Variants in VMA12 observed in about 807,000 individuals in gnomAD.
VMA12 encodes vacuolar ATPase assembly factor VMA12.
the VMA12 span, chr17:28,358,974 T>G: frequency 5.0e-6 from 8 of 1,612,844 alleles, no homozygotes; most frequent in East Asian, 1.6e-4. Context: ...TCCCAGAGGT[T>G]GTGAAGCCTC....
chr17:28,357,871 G>A, the VMA12 span: 1 of 1,613,958 alleles, frequency 6.2e-7, no homozygotes, highest in Admixed American at 1.7e-5. Flanking sequence ...ACCAGCATCT[G>A]AGAGAAAGGG....
chr17:28,358,809 G>A, the VMA12 span: 1 of 825,834 alleles, frequency 1.2e-6, no homozygotes, highest in Non-Finnish European at 1.9e-6. Flanking sequence ...TTAATGTAGA[G>A]ATGGCCCTGT....
chr17:28,362,909 C>T, the VMA12 span: 1 of 152,180 alleles, frequency 6.6e-6, no homozygotes, highest in Non-Finnish European at 1.5e-5. Context: ...ACTCCTGCCT[C>T]ACTGTGCCAT....
At chr17:28,361,984 T>C in the VMA12 span, 2 of 152,280 alleles carry the variant, frequency 1.3e-5, no homozygotes, top group African/African-American at 4.8e-5. Flanking sequence ...AGATTAGTGG[T>C]GTGATGATAG....
At chr17:28,359,072 T>C in the VMA12 span, 1 of 1,339,026 alleles carries the variant, frequency 7.5e-7, no homozygotes, top group East Asian at 2.3e-5. Flanking sequence ...AATCAACTTT[T>C]AGGCTTGAAA....
chr17:28,361,451 A>G, the VMA12 span: 1 of 579,274 alleles, frequency 1.7e-6, no homozygotes, highest in Non-Finnish European at 3.1e-6. Context: ...AGATTGAGAT[A>G]ACACATCTTT....
chr17:28,357,661 C>G, the VMA12 span: 1 of 1,610,904 alleles, frequency 6.2e-7, no homozygotes, highest in Non-Finnish European at 8.5e-7. Context: ...GACCGGAGAG[C>G]CGGCTAGATA....
At chr17:28,361,376 A>C in the VMA12 span, 1 of 814,032 alleles carries the variant, frequency 1.2e-6, no homozygotes, top group South Asian at 1.7e-5. Context: ...AGACCAGCCC[A>C]GGCCAGCTGC....
chr17:28,358,282 C>T, the VMA12 span: 17 of 416,142 alleles, frequency 4.1e-5, no homozygotes, highest in South Asian at 2.9e-4. Context: ...AAATCTGATA[C>T]TTTGTTTTGT....
chr17:28,360,756 T>C, the VMA12 span: 1 of 1,614,100 alleles, frequency 6.2e-7, no homozygotes, highest in Non-Finnish European at 8.5e-7. Context: ...AAGGCTCTGG[T>C]CATCACCATC....
At chr17:28,362,244 G>A in the VMA12 span, 1 of 151,144 alleles carries the variant, frequency 6.6e-6, no homozygotes, top group East Asian at 1.9e-4. Context: ...TTCACTCAGT[G>A]GACACTTCCT....
chr17:28,360,704 T>C, the VMA12 span: 1 of 1,608,474 alleles, frequency 6.2e-7, no homozygotes, highest in Non-Finnish European at 8.5e-7. Context: ...AATGTTGAAC[T>C]AAAGGTGCCC....
the VMA12 span, chr17:28,359,553 T>A: frequency 1.6e-6 from 1 of 629,964 alleles, no homozygotes; most frequent in Non-Finnish European, 2.6e-6. Context: ...AACAACACAG[T>A]TCCCATCTCA....
the VMA12 span, chr17:28,359,103 G>A: frequency 9.2e-7 from 1 of 1,086,302 alleles, no homozygotes; most frequent in East Asian, 2.5e-5. Flanking sequence ...GAAATCTTTG[G>A]GATCTGGGGG....
At chr17:28,362,953 C>T in the VMA12 span, 1 of 152,138 alleles carries the variant, frequency 6.6e-6, no homozygotes, top group Non-Finnish European at 1.5e-5. Flanking sequence ...CCAGGGACTG[C>T]TTGGCAGGAG....
chr17:28,361,325 C>A, the VMA12 span: 1 of 1,451,724 alleles, frequency 6.9e-7, no homozygotes, highest in South Asian at 1.2e-5. Context: ...CCGACTCAGT[C>A]AACCCATCAG....
the VMA12 span, chr17:28,360,482 C>T: frequency 4.0e-5 from 63 of 1,583,836 alleles, no homozygotes; most frequent in African/African-American, 8.1e-4. Context: ...AATGGATGCT[C>T]TCTGAGCTGC....
At chr17:28,359,098 CT>C in the VMA12 span, 1 of 1,148,722 alleles carries the variant, frequency 8.7e-7, no homozygotes, top group Non-Finnish European at 1.2e-6. Context: ...TTTTTGAAAT[CT>C]TTGGGATCTG....
the VMA12 span, chr17:28,357,724 C>A: frequency 1.2e-6 from 2 of 1,613,232 alleles, no homozygotes; most frequent in Non-Finnish European, 1.7e-6. Flanking sequence ...TGGGCCCCGG[C>A]GGGGAGCTGG....
Sources: allele counts gnomAD v4.1 joint callset, GRCh38; gene constraint gnomAD v4.1.1; transcripts MANE v1.5; gene names NCBI Gene and HGNC (gene_info 2026-07-23, HGNC 2026-07-21).